The following SV2B variants were observed in gnomAD, a reference collection of about 807,000 sequenced individuals.
SV2B encodes synaptic vesicle glycoprotein 2B, also known as solute carrier family 22 member B2.
A neutral mutation model predicts 73.9 loss-of-function variants in SV2B; 41 were observed. The ratio of observed to expected loss-of-function variants is 0.56; its 90% CI spans 0.43 to 0.72. The LOEUF (loss-of-function observed/expected upper bound fraction) is 0.72, where lower values mean the gene tolerates loss of function less well. SV2B is among the 30% of genes least tolerant of loss of function. The pLI is 0.00. For synonymous variants in SV2B, 314 were observed against 314.2 expected (o/e 1.00, Z 0.01); for missense variants, 764 against 857.8 (o/e 0.89, Z 1.37).
chr15:91,144,143 G>C (rs1164344275), intron 1 of SV2B, among the ~76,000 whole-genome samples: 1 of 152,188 alleles, frequency 6.6e-6, no homozygotes, highest in Non-Finnish European at 1.5e-5. Context: ...ATTTTACTTT[G>C]AAGAAGCCAG....
At chr15:91,213,590 T>C (rs1353836000) in intron 1 of SV2B, among the ~76,000 whole-genome samples, 1 of 152,162 alleles carries the variant, frequency 6.6e-6, no homozygotes, top group Non-Finnish European at 1.5e-5. Flanking sequence ...CTTTGCCAAA[T>C]GTCCATAATT....
chr15:91,198,455 ATGTGTGTGTGTGTGTGTGTGTGTGTG>A (rs5814467), intron 1 of SV2B, among the ~76,000 whole-genome samples: 19 of 136,848 alleles, frequency 1.4e-4, no homozygotes, highest in Non-Finnish European at 2.2e-4. Flanking sequence ...AAGCACGTGT[ATGTGTGTGTGTGTGTGTGTGTGTGTG>A]TGTGTGTGTG....
In SV2B at chr15:91,196,875, C is replaced by A. The variant is rs183228092; in HGVS notation, c.-391-28998C>A. On this transcript the variant is annotated intron_variant, in intron 1 of 12. Coordinates refer to ENST00000394232, the MANE Select transcript of SV2B (RefSeq NM_001323032.3). ...CTAAAGGGGAGGGCTGAGGTTCTCG[C>A]CAAGCAGGGAGATCAGGCAGGTGAT... 1.2e-4 allele frequency among the ~76,000 whole-genome samples: 18 copies of A among 152,232 alleles called. 1 individual carries two copies. The South Asian group carries it at 2.5e-3, about 21-fold the overall frequency.
rs2043752169 is a variant in SV2B, at chr15:91,162,383, A to G, written c.-392+62020A>G. On this transcript the variant is annotated intron_variant, in intron 1 of 12. Transcript: ENST00000394232. ...AATATGTTTGAATATATTTTGCTAC[A>G]TCAAAATAATAGCAAAAAATGTAAT... 2.0e-5 allele frequency among the ~76,000 whole-genome samples: 3 copies of G among 152,358 alleles called. No homozygotes were observed. The South Asian group carries it at 6.2e-4, about 32-fold the overall frequency.
intron 1 of SV2B, among the ~76,000 whole-genome samples, chr15:91,213,698 C>G (rs567187470): frequency 3.3e-5 from 5 of 152,222 alleles, no homozygotes; most frequent in Admixed American, 2.6e-4. Flanking sequence ...TTTTTACTAA[C>G]TGACTGCATT....
In SV2B at chr15:91,289,401, C is replaced by T. The variant is rs1567438603; in HGVS notation, c.1709-120C>T. On this transcript the variant is annotated intron_variant, in intron 11 of 12. Transcript: ENST00000394232. This position sits in a 1 kb window ranked among gnomAD's most constrained non-coding sequence, Gnocchi z 4.9. ...TGTGTGGAGGGTGAACCTAATACTT[C>T]AGGCAGCCTTGGCTTCAGGTGTACC... 4.7e-6 allele frequency: 6 copies of T among 1,283,820 alleles called. No individual in the cohort carries two copies. In the East Asian group the frequency reaches 1.4e-4, roughly 30 times the overall value. 79.5% of individuals were successfully genotyped at this position (1,283,820 alleles called of 1,614,324 possible).
intron 1 of SV2B, among the ~76,000 whole-genome samples, chr15:91,112,767 GA>G (rs1567261367): frequency 6.6e-6 from 1 of 152,156 alleles, no homozygotes; most frequent in Non-Finnish European, 1.5e-5. Flanking sequence ...ATAGGGCAAA[GA>G]AAAGGAAAAC....
chr15:91,182,338 G>A (rs1452777020), intron 1 of SV2B, among the ~76,000 whole-genome samples: 1 of 152,218 alleles, frequency 6.6e-6, no homozygotes, highest in African/African-American at 2.4e-5. Flanking sequence ...AGAGCCTCAT[G>A]TTGTGGCTGG....
intron 1 of SV2B, among the ~76,000 whole-genome samples, chr15:91,142,003 C>T (rs1452108203): frequency 6.6e-6 from 1 of 152,098 alleles, no homozygotes; most frequent in East Asian, 1.9e-4. Context: ...CACGGCTTTG[C>T]AGGAACTCAT....
Position 91,163,186 on chromosome 15 carries a change from C to G in SV2B, c.-391-62687C>G, listed in dbSNP as rs551689984. ...CATTGATGGACATTTTGGGTTGTTTCCAAGTCTTTGCTATTGTGAATAGTG... is the reference window on the plus strand; with the variant it reads ...CATTGATGGACATTTTGGGTTGTTTGCAAGTCTTTGCTATTGTGAATAGTG... On this transcript the variant is annotated intron_variant, in intron 1 of 12. Coordinates refer to ENST00000394232, the MANE Select transcript of SV2B (RefSeq NM_001323032.3). 1.2e-4 allele frequency among the ~76,000 whole-genome samples: 18 copies of G among 152,234 alleles called. No individual in the cohort carries two copies. In the South Asian group the frequency reaches 3.7e-3, roughly 32 times the overall value.
At position 91,252,086 on chromosome 15, in the gene SV2B, A is replaced by G; in HGVS notation, c.632+87A>G. On this transcript the variant is annotated intron_variant, in intron 3 of 12. Transcript: ENST00000394232. This position sits in a 1 kb window ranked among gnomAD's most constrained non-coding sequence, Gnocchi z 4.6. ...TCTAGCTCCAAGAGGTAACTCTAGA[A>G]ACCCTTGGACTGACTGAGTTTTTGT... 1 of 1,521,260 alleles carries G rather than the reference A, an allele frequency of 6.6e-7. No homozygotes were observed. The highest frequency in any genetic ancestry group is 1.3e-5 in the South Asian group (1 of 78,592). The allele number at this position is 1,521,260 out of a possible 1,614,324, so 94.2% of individuals were successfully genotyped here. A position where few individuals can be genotyped will look rare whatever the true frequency, so the allele number is the denominator to read the frequency against.
chr15:91,205,913 G>A (rs1165515440), intron 1 of SV2B, among the ~76,000 whole-genome samples: 13 of 152,192 alleles, frequency 8.5e-5, no homozygotes, highest in Admixed American at 8.5e-4. Flanking sequence ...AGCTGTGTTA[G>A]GTGAGTCAGT....
intron 1 of SV2B, among the ~76,000 whole-genome samples, chr15:91,180,587 C>T (rs2044511938): frequency 6.6e-6 from 1 of 152,104 alleles, no homozygotes; most frequent in African/African-American, 2.4e-5. Flanking sequence ...AGGCTTTGTT[C>T]ATTTCTTTTT....
At chr15:91,191,124 G>A (rs2045010377) in intron 1 of SV2B, among the ~76,000 whole-genome samples, 1 of 131,504 alleles carries the variant, frequency 7.6e-6, no homozygotes, top group Admixed American at 8.8e-5. Flanking sequence ...GGAGTGCAAT[G>A]GTGCAATTTG....
In SV2B at chr15:91,130,511, G is replaced by A. The variant is rs967736081; in HGVS notation, c.-392+30148G>A. ...AGGGTAAGGAACAGGGAATGAGAGA[G>A]AGAGAGAGAAGCAGCTGCATTTGGG... is the stretch of plus-strand genomic sequence containing the variant. On this transcript the variant is annotated intron_variant, in intron 1 of 12. Coordinates refer to ENST00000394232, the MANE Select transcript of SV2B (RefSeq NM_001323032.3). This position sits in a 1 kb window ranked among gnomAD's most constrained non-coding sequence, Gnocchi z 5.6. Among the ~76,000 whole-genome samples the A allele has an allele frequency of 1.3e-5, 2 of 152,148 alleles. No homozygotes were observed. Among genetic ancestry groups the A allele is most frequent in the Non-Finnish European group, 2.9e-5 (2 of 68,020 alleles).
chr15:91,189,140 G>GT lies in SV2B; in HGVS notation c.-391-36725dup, dbSNP rs200804751. Among the ~76,000 whole-genome samples the GT allele has an allele frequency of 6.9e-3, 1,044 of 151,680 alleles. 12 individuals carry two copies. Among genetic ancestry groups the GT allele is most frequent in the African/African-American group, 0.023 (939 of 41,380 alleles). The stretch of plus-strand genomic sequence containing the variant: ...GCTGTACGTCCTATTTTCTACCTCA[G>GT]TTTTTTTTCTCCAAATGTCATTTTT... On this transcript the variant is annotated intron_variant, in intron 1 of 12. Coordinates refer to ENST00000394232, the MANE Select transcript of SV2B (RefSeq NM_001323032.3).
At chr15:91,208,533 G>C (rs2045728479) in intron 1 of SV2B, among the ~76,000 whole-genome samples, 2 of 152,196 alleles carry the variant, frequency 1.3e-5, no homozygotes, top group Non-Finnish European at 2.9e-5. Context: ...GGCAGCTCTG[G>C]GGGTGGACCC....
chr15:91,134,882 A>G (rs887724669), intron 1 of SV2B, among the ~76,000 whole-genome samples: 4 of 151,898 alleles, frequency 2.6e-5, no homozygotes, highest in Non-Finnish European at 4.4e-5. Flanking sequence ...TTCTCAGCCT[A>G]CCTCTTTACC....
intron 1 of SV2B, among the ~76,000 whole-genome samples, chr15:91,181,037 G>C (rs2044533570): frequency 6.6e-6 from 1 of 152,026 alleles, no homozygotes. Context: ...TCTACTTTTG[G>C]TCTTTGATGA....
Sources: allele counts gnomAD v4.1 joint callset (sites outside exome capture counted in the v4.1 genomes callset), GRCh38; gene constraint gnomAD v4.1.1; non-coding constraint Gnocchi (gnomAD v3.1); transcripts MANE v1.5; gene names NCBI Gene and HGNC (gene_info 2026-07-23, HGNC 2026-07-21).